The following DLGAP2 variants were observed in gnomAD, a reference collection of about 807,000 sequenced individuals.
DLGAP2 encodes DLG associated protein 2, also known as disks large-associated protein 2.
Under a neutral mutation model 100.3 loss-of-function variants are expected in DLGAP2, and 26 were observed. The ratio of observed to expected loss-of-function variants is 0.26; its 90% CI spans 0.19 to 0.36. DLGAP2 has a LOEUF of 0.36. Ranked by LOEUF, DLGAP2 falls within the 10% of genes least tolerant of loss-of-function variation. The pLI is 1.00. For synonymous variants in DLGAP2, 886 were observed against 630.1 expected, an observed-to-expected ratio of 1.41 and a Z score of -6.08; for missense variants, 1,858 against 1,453.2, an observed-to-expected ratio of 1.28 and a Z score of -4.53.
intron 1 of DLGAP2, among the ~76,000 whole-genome samples, chr8:854,426 G>A (rs1238497228): frequency 3.3e-5 from 5 of 152,148 alleles, no homozygotes; most frequent in African/African-American, 1.2e-4. Flanking sequence ...ACAGGCTGGA[G>A]GCTGCAGTCT....
chr8:1,265,972 A>G (rs1220992429), intron 3 of DLGAP2, among the ~76,000 whole-genome samples: 3 of 152,242 alleles, frequency 2.0e-5, no homozygotes, highest in East Asian at 1.9e-4. Flanking sequence ...CCAAGAAGCT[A>G]TAAGAACCAT....
At chr8:974,481 A>T (rs902709138) in intron 2 of DLGAP2, among the ~76,000 whole-genome samples, 8 of 152,238 alleles carry the variant, frequency 5.3e-5, no homozygotes, top group African/African-American at 1.4e-4. Context: ...ATTCATCAAG[A>T]TAGAATATAT....
intron 1 of DLGAP2, among the ~76,000 whole-genome samples, chr8:902,988 G>GA (rs1421032476): frequency 9.5e-6 from 1 of 105,502 alleles, no homozygotes; most frequent in African/African-American, 3.7e-5. Flanking sequence ...GTGGGGGCGG[G>GA]GGGGCGGAAA....
intron 2 of DLGAP2, among the ~76,000 whole-genome samples, chr8:964,632 G>A (rs772356903): frequency 6.6e-6 from 1 of 152,232 alleles, no homozygotes; most frequent in East Asian, 1.9e-4. Flanking sequence ...CTGGGGCCTC[G>A]GCCTCCTAAT....
intron 1 of DLGAP2, among the ~76,000 whole-genome samples, chr8:903,790 T>C (rs963799908): frequency 3.3e-5 from 5 of 152,200 alleles, no homozygotes; most frequent in African/African-American, 1.2e-4. Context: ...AAATAGAGTC[T>C]TGGGGGAAAC....
chr8:1,000,710 G>A (rs1482804021), intron 2 of DLGAP2, among the ~76,000 whole-genome samples: 1 of 152,194 alleles, frequency 6.6e-6, no homozygotes. Flanking sequence ...CTTCTCCAAG[G>A]TATTTTTGTA....
chr8:1,033,537 G>T (rs1347788957), intron 2 of DLGAP2, among the ~76,000 whole-genome samples: 2 of 152,268 alleles, frequency 1.3e-5, no homozygotes, highest in Middle Eastern at 3.4e-3. Context: ...GCATGGTGGT[G>T]CATGCCTGTA....
intron 2 of DLGAP2, among the ~76,000 whole-genome samples, chr8:1,124,329 G>C (rs747517587): frequency 6.6e-6 from 1 of 152,182 alleles, no homozygotes; most frequent in Admixed American, 6.5e-5. Flanking sequence ...TCCACTTCCA[G>C]AAGGGTTACC....
intron 1 of DLGAP2, among the ~76,000 whole-genome samples, chr8:752,868 G>A (rs952596719): frequency 5.3e-5 from 8 of 152,112 alleles, no homozygotes; most frequent in Admixed American, 6.5e-5. Context: ...CCAAGAAGGC[G>A]ACCTCTGGGG....
At chr8:1,047,643 T>A (rs2129032119) in intron 2 of DLGAP2, among the ~76,000 whole-genome samples, 1 of 152,102 alleles carries the variant, frequency 6.6e-6, no homozygotes, top group East Asian at 1.9e-4. Context: ...CGACAGCCAC[T>A]TCCTGGTCCC....
intron 3 of DLGAP2, among the ~76,000 whole-genome samples, chr8:1,283,183 C>T (rs1207402969): frequency 3.3e-5 from 5 of 150,242 alleles, no homozygotes; most frequent in Non-Finnish European, 5.9e-5. Flanking sequence ...CTGAACCCAG[C>T]ACGTGAACCA....
rs1796124902 is a variant in DLGAP2, at chr8:1,586,502, G to GATGACCA, written c.1442+20608_1442+20609insATGACCA. Among the ~76,000 whole-genome samples, 4 of 152,298 alleles carry GATGACCA rather than the reference G, an allele frequency of 2.6e-5. No individual in the cohort carries two copies. In the East Asian group the frequency reaches 7.7e-4, roughly 29 times the overall value. On this transcript the variant is annotated intron_variant, in intron 6 of 14. Transcript: ENST00000637795. ...CTTTCAATGCTCCTGCGCTGAGAGG[G>GATGACCA]GGCCTGCCTGGGTCATCAGGAGATT...
intron 2 of DLGAP2, among the ~76,000 whole-genome samples, chr8:1,047,990 G>T (rs545828697): frequency 6.6e-6 from 1 of 152,216 alleles, no homozygotes; most frequent in Non-Finnish European, 1.5e-5. Flanking sequence ...GAAAACCTTA[G>T]ACCGTTAAGG....
chr8:1,314,553 C>T (rs1296773625), intron 3 of DLGAP2, among the ~76,000 whole-genome samples: 2 of 152,174 alleles, frequency 1.3e-5, no homozygotes, highest in African/African-American at 4.8e-5. Flanking sequence ...CTCCAGCCAC[C>T]ATCTGACTTT....
chr8:1,536,957 G>T lies in DLGAP2; in HGVS notation c.173-11669G>T, dbSNP rs560133846. ...GGCATGGTCTAGGATGTTTACCTCTGTTGGCTCATTTAATGCTCACCACGA... is the reference window on the plus strand; with the variant it reads ...GGCATGGTCTAGGATGTTTACCTCTTTTGGCTCATTTAATGCTCACCACGA... On this transcript the variant is annotated intron_variant, in intron 4 of 14. Coordinates refer to ENST00000637795, the MANE Select transcript of DLGAP2 (RefSeq NM_001346810.2). Among the ~76,000 whole-genome samples the T allele has an allele frequency of 7.2e-5, 11 of 152,184 alleles. No homozygotes were observed. The South Asian group carries it at 2.3e-3, about 32-fold the overall frequency.
At position 1,435,448 on chromosome 8, in the gene DLGAP2, A is replaced by G. The variant is rs144777134; in HGVS notation, c.107-65918A>G. Among the ~76,000 whole-genome samples the G allele has an allele frequency of 1.6e-3, 243 of 152,194 alleles. No homozygotes were observed. The East Asian group carries it at 0.017, about 11-fold the overall frequency. On this transcript the variant is annotated intron_variant, in intron 3 of 14. Transcript: ENST00000637795. ...AAGACTCCTACTGTCCAGTGACCTC[A>G]TAGCCGTCACAATGCATGACTCACG... is the stretch of plus-strand genomic sequence containing the variant.
At chr8:1,379,373 C>T (rs1315504085) in intron 3 of DLGAP2, among the ~76,000 whole-genome samples, 3 of 152,242 alleles carry the variant, frequency 2.0e-5, no homozygotes, top group Admixed American at 6.5e-5. Context: ...CCACACGGCA[C>T]GTACGCCGAC....
rs374343486 is a variant in DLGAP2 at position 1,678,532 on chromosome 8, G to A, written c.2607G>A (p.Ser869=). 63 of 1,602,048 alleles carry A rather than the reference G, an allele frequency of 3.9e-5. No individual in the cohort carries two copies. The highest frequency in any genetic ancestry group is 3.6e-4 in the East Asian group (16 of 44,318). Residue 869 remains serine (S), a synonymous_variant, in exon 12 of 15, where the codon TCG becomes TCA. Transcript: ENST00000637795. ...TGTCTCCGTGCCGCAGGGATGGCTC[G>A]TGGTTTTTGAAGCTGCTGCACGCAG... The part of the protein sequence containing the change: ...GRMSPCRRDG[S]WFLKLLHAET...
At chr8:1,261,398 A>C (rs1799346801) in intron 3 of DLGAP2, among the ~76,000 whole-genome samples, 1 of 149,490 alleles carries the variant, frequency 6.7e-6, no homozygotes. Flanking sequence ...ACAGACTGGG[A>C]GGGCAGGTCA....
Sources: gnomAD v4.1 joint callset for allele counts (sites outside exome capture counted in the v4.1 genomes callset) on GRCh38, gnomAD v4.1.1 for gene constraint, MANE v1.5 for transcripts, NCBI Gene and HGNC (gene_info 2026-07-23, HGNC 2026-07-21) for gene names.